The following CTCF variants were observed in gnomAD, a reference collection of about 807,000 sequenced individuals.
CTCF encodes the protein transcriptional repressor CTCF.
In CTCF, 7 loss-of-function variants were observed where a neutral mutation model predicts 72.3. The ratio of observed to expected loss-of-function variants is 0.10; its 90% CI spans 0.06 to 0.18. The LOEUF (loss-of-function observed/expected upper bound fraction) is 0.18. CTCF is among the 10% of genes least tolerant of loss of function. CTCF has a pLI of 1.00. For synonymous variants in CTCF, 374 were observed against 315.8 expected (o/e 1.18, Z -1.95); for missense variants, 516 against 949.1 (o/e 0.54, Z 6.00).
At chr16:67,630,476 C>T (rs764099481) in intron 10 of CTCF, among the ~76,000 whole-genome samples, 4 of 152,006 alleles carry the variant, frequency 2.6e-5, no homozygotes, top group African/African-American at 4.8e-5. Context: ...AAGCCTCGGT[C>T]GGGCACAGTG....
chr16:67,567,502 G>GT (rs1481576268), intron 1 of CTCF, among the ~76,000 whole-genome samples: 1 of 152,194 alleles, frequency 6.6e-6, no homozygotes, highest in Non-Finnish European at 1.5e-5. Context: ...GTATTAGTGA[G>GT]TTTTGTGGAG....
At chr16:67,630,931 A>G (rs1597728415) in intron 10 of CTCF, among the ~76,000 whole-genome samples, 1 of 152,270 alleles carries the variant, frequency 6.6e-6, no homozygotes, top group Non-Finnish European at 1.5e-5. Flanking sequence ...GACTTAAGGT[A>G]TGGATGGAAA....
chr16:67,622,520 C>T (rs2052215141), intron 7 of CTCF, among the ~76,000 whole-genome samples: 1 of 152,062 alleles, frequency 6.6e-6, no homozygotes, highest in South Asian at 2.1e-4. Flanking sequence ...GTAGCTGGGC[C>T]CTCACTGCTC....
At chr16:67,621,268 G>C (rs2052195492) in intron 6 of CTCF, 174 bp from the exon 7 acceptor site, 1 of 554,406 alleles carries the variant, frequency 1.8e-6, no homozygotes, top group Non-Finnish European at 3.2e-6. Flanking sequence ...CAGCAGTTTA[G>C]GACTTGGCCA....
intron 10 of CTCF, among the ~76,000 whole-genome samples, chr16:67,636,331 C>A (rs1371151684): frequency 6.6e-6 from 1 of 150,768 alleles, no homozygotes; most frequent in Admixed American, 6.6e-5. Context: ...GAGATCGTGC[C>A]GCTGCATTCC....
intron 2 of CTCF, among the ~76,000 whole-genome samples, chr16:67,608,194 G>C (rs1433715993): frequency 6.6e-6 from 1 of 151,456 alleles, no homozygotes; most frequent in Non-Finnish European, 1.5e-5. Flanking sequence ...CATGGTGGTG[G>C]GCGCCTGTAG....
At position 67,636,371 on chromosome 16, in the gene CTCF, C is replaced by CA. The variant is rs749027061; in HGVS notation, c.1838-306dup. On this transcript the variant is annotated intron_variant, in intron 10 of 11. Transcript: ENST00000264010. ...TGGGCGACAGAGTGAGACTCTGTCTCAAAAAAAAAAAAAGAAGGAAAAAAA... is the reference window on the plus strand; with the variant it reads ...TGGGCGACAGAGTGAGACTCTGTCTCAAAAAAAAAAAAAAGAAGGAAAAAAA... 3.6e-3 allele frequency among the ~76,000 whole-genome samples: 347 copies of CA among 96,152 alleles called. 1 individual carries two copies. Among genetic ancestry groups the CA allele is most frequent in the Non-Finnish European group, 4.3e-3 (197 of 46,018 alleles). The allele number at this position is 96,152 out of a possible 152,430, so 63.1% of individuals were successfully genotyped here.
rs2052322661 is a variant in CTCF, at chr16:67,628,675, A to G, written c.1701+123A>G. On this transcript the variant is annotated intron_variant, in intron 9 of 11. Coordinates refer to ENST00000264010, the MANE Select transcript of CTCF (RefSeq NM_006565.4). ...AACAGAGATGCTCCATTGTTTGGAA[A>G]GGGTTAGTCATCCCCATCTTGATGT... The G allele has an allele frequency of 3.1e-6, 3 of 965,870 alleles. No individual in the cohort carries two copies. In the African/African-American group the frequency reaches 4.9e-5, roughly 16 times the overall value. 59.8% of individuals were successfully genotyped at this position (965,870 alleles called of 1,614,324 possible).
chr16:67,636,877 G>GACCA, intron 11 of CTCF, 26 bp downstream of exon 11: 1 of 1,464,220 alleles, frequency 6.8e-7, no homozygotes. Context: ...CTGCTCTGGA[G>GACCA]GCTGGCGTCT....
chr16:67,638,051 T>C lies in CTCF; in HGVS notation c.*179T>C, dbSNP rs1455352252. The C allele has an allele frequency of 3.4e-6, 2 of 590,068 alleles. No homozygotes were observed. Among genetic ancestry groups the C allele is most frequent in the African/African-American group, 3.7e-5 (2 of 53,956 alleles). The allele number at this position is 590,068 out of a possible 1,614,324, so 36.6% of individuals were successfully genotyped here. ...AAAATGTGATTTAACTAGAACTTGC[T>C]GTCTGATGTTAGCAAATCATGGAAT... On this transcript the variant is annotated 3_prime_UTR_variant, in exon 12 of 12. Coordinates refer to ENST00000264010, the MANE Select transcript of CTCF (RefSeq NM_006565.4).
At chr16:67,578,802 G>T (rs1597684126) in intron 2 of CTCF, among the ~76,000 whole-genome samples, 1 of 150,918 alleles carries the variant, frequency 6.6e-6, no homozygotes, top group African/African-American at 2.4e-5. Context: ...ACAAAAATTA[G>T]CTGGGCGTGG....
chr16:67,602,250 G>A (rs747266121), intron 2 of CTCF, among the ~76,000 whole-genome samples: 6 of 152,122 alleles, frequency 3.9e-5, no homozygotes, highest in Middle Eastern at 6.3e-3. Flanking sequence ...TCAAGTTGTA[G>A]CATCAAATTA....
At chr16:67,569,560 TC>T (rs1474946703) in intron 1 of CTCF, among the ~76,000 whole-genome samples, 1 of 152,200 alleles carries the variant, frequency 6.6e-6, no homozygotes, top group Non-Finnish European at 1.5e-5. Context: ...GCTTGACAGT[TC>T]ATTTTGTAAT....
Position 67,637,756 on chromosome 16 carries a change from AAAG to A in CTCF, c.2070_2072del (p.Glu691del), listed in dbSNP as rs2142889112. The A allele has an allele frequency of 1.2e-6, 2 of 1,613,824 alleles. No individual in the cohort carries two copies. Among genetic ancestry groups the A allele is most frequent in the Non-Finnish European group, 1.7e-6 (2 of 1,180,028 alleles). ...TGAGAACATTATAGTTGAAGTAAAAAAAGAGCCAGATGCTGAGCCCGCAGAGGG... is the reference window on the plus strand; with the variant it reads ...TGAGAACATTATAGTTGAAGTAAAAAAGCCAGATGCTGAGCCCGCAGAGGG... On this transcript the variant is annotated inframe_deletion, in exon 12 of 12. Transcript: ENST00000264010.
At chr16:67,627,886 G>C (rs917952085) in intron 8 of CTCF, 1 of 145,710 alleles carries the variant, frequency 6.9e-6, no homozygotes, top group African/African-American at 2.6e-5. Context: ...TTGCGCCACT[G>C]CACTCCAGCC....
At chr16:67,607,387 C>G (rs2142810693) in intron 2 of CTCF, among the ~76,000 whole-genome samples, 1 of 152,198 alleles carries the variant, frequency 6.6e-6, no homozygotes. Flanking sequence ...CTCGCTGCAA[C>G]CTCCACCTCC....
At chr16:67,595,442 T>G (rs2051798725) in intron 2 of CTCF, among the ~76,000 whole-genome samples, 1 of 152,184 alleles carries the variant, frequency 6.6e-6, no homozygotes, top group Non-Finnish European at 1.5e-5. Context: ...GAAGTCATTT[T>G]TGTGGGGAAA....
intron 10 of CTCF, among the ~76,000 whole-genome samples, chr16:67,630,765 A>G (rs2052352078): frequency 6.6e-6 from 1 of 151,460 alleles, no homozygotes; most frequent in Non-Finnish European, 1.5e-5. Context: ...CAAAAAAAAC[A>G]AAAAGTGCCA....
chr16:67,573,564 A>G (rs1233445282), intron 2 of CTCF, among the ~76,000 whole-genome samples: 1 of 152,200 alleles, frequency 6.6e-6, no homozygotes, highest in African/African-American at 2.4e-5. Flanking sequence ...TGAGGGTGGG[A>G]AGTTCTCTCT....
Sources: gnomAD v4.1 joint callset for allele counts (sites outside exome capture counted in the v4.1 genomes callset) on GRCh38, gnomAD v4.1.1 for gene constraint, MANE v1.5 for transcripts, NCBI Gene and HGNC (gene_info 2026-07-23, HGNC 2026-07-21) for gene names.